RGS7: variants seen among roughly 807,000 people sequenced by gnomAD.
The protein encoded by RGS7 is regulator of G-protein signaling 7.
A neutral mutation model predicts 81.1 loss-of-function variants in RGS7; 27 were observed. The observed-to-expected ratio is 0.33, with a 90% confidence interval of 0.25 to 0.46. The LOEUF is 0.46. Ranked by LOEUF, RGS7 falls within the 20% of genes least tolerant of loss-of-function variation. The pLI, the probability that RGS7 is intolerant of heterozygous loss-of-function variation, is 1.00. For synonymous variants in RGS7, 208 were observed against 207.7 expected (o/e 1.00, Z -0.01); for missense variants, 396 against 607.4 (o/e 0.65, Z 3.66).
chr1:241,260,559 T>A (rs1016679060), intron 2 of RGS7, among the ~76,000 whole-genome samples: 1 of 152,230 alleles, frequency 6.6e-6, no homozygotes, highest in African/African-American at 2.4e-5. Context: ...AGTTGCTTTT[T>A]TTCACATATT....
At chr1:240,959,588 T>C (rs1259021123) in intron 4 of RGS7, among the ~76,000 whole-genome samples, 1 of 152,250 alleles carries the variant, frequency 6.6e-6, no homozygotes, top group Non-Finnish European at 1.5e-5. Flanking sequence ...ACCATTGTCA[T>C]ACATGCTGTC....
intron 2 of RGS7, among the ~76,000 whole-genome samples, chr1:241,119,003 AACAAAC>A (rs2066060010): frequency 2.0e-5 from 3 of 152,190 alleles, no homozygotes; most frequent in Admixed American, 2.0e-4. Flanking sequence ...ATACCCATTT[AACAAAC>A]ATGCACATGC....
At chr1:241,022,280 T>TCA (rs1401732997) in intron 3 of RGS7, among the ~76,000 whole-genome samples, 2 of 152,210 alleles carry the variant, frequency 1.3e-5, no homozygotes, top group African/African-American at 4.8e-5. Context: ...CTGTCCTTGT[T>TCA]CATTCCTGGG....
chr1:241,235,625 T>C (rs371470349), intron 2 of RGS7, among the ~76,000 whole-genome samples: 41,569 of 149,124 alleles, frequency 0.28, 5,664 homozygotes, highest in South Asian at 0.34. Flanking sequence ...CTTTCCCTTT[T>C]CTCTCTTTTT....
At chr1:241,101,258 G>A (rs988480808) in intron 2 of RGS7, among the ~76,000 whole-genome samples, 3 of 152,220 alleles carry the variant, frequency 2.0e-5, no homozygotes, top group African/African-American at 7.2e-5. Flanking sequence ...CACTTTGGGA[G>A]ACCAAGGCAG....
chr1:241,080,204 G>T (rs1229217944), intron 3 of RGS7, among the ~76,000 whole-genome samples: 1 of 151,446 alleles, frequency 6.6e-6, no homozygotes, highest in Non-Finnish European at 1.5e-5. Flanking sequence ...AAAGGATGAG[G>T]CATGAAAAAA....
At chr1:241,134,340 C>T (rs187013066) in intron 2 of RGS7, among the ~76,000 whole-genome samples, 8 of 152,278 alleles carry the variant, frequency 5.3e-5, no homozygotes, top group Non-Finnish European at 1.0e-4. Flanking sequence ...TATGACAAAT[C>T]CAGACTGACA....
rs76712107 is a variant in RGS7, at chr1:240,927,915, G to T, written c.385+2802C>A. Reference sequence around the variant, plus strand: ...AATGGACACCAGTGGATGGTAACATGTGTGGGAACAAGAGTGATTCCATCT... The same window carrying T: ...AATGGACACCAGTGGATGGTAACATTTGTGGGAACAAGAGTGATTCCATCT... On this transcript the variant is annotated intron_variant, in intron 6 of 18. Coordinates refer to ENST00000440928, the MANE Select transcript of RGS7 (RefSeq NM_001364886.1). Among the ~76,000 whole-genome samples, 23 of 152,314 alleles carry T rather than the reference G, an allele frequency of 1.5e-4. No homozygotes were observed. In the East Asian group the frequency reaches 4.4e-3, roughly 29 times the overall value.
intron 2 of RGS7, among the ~76,000 whole-genome samples, chr1:241,207,113 T>A (rs12129493): frequency 6.6e-6 from 1 of 150,476 alleles, no homozygotes; most frequent in Non-Finnish European, 1.5e-5. Flanking sequence ...GGACTACAGG[T>A]GCCCACCACC....
At chr1:241,155,190 C>T (rs752631361) in intron 2 of RGS7, among the ~76,000 whole-genome samples, 52 of 152,242 alleles carry the variant, frequency 3.4e-4, no homozygotes, top group Non-Finnish European at 1.9e-4. Context: ...CAACCTCTGC[C>T]TCCCAGTCCA....
chr1:240,891,705 A>G (rs1668319651), intron 6 of RGS7, among the ~76,000 whole-genome samples: 1 of 152,228 alleles, frequency 6.6e-6, no homozygotes, highest in Non-Finnish European at 1.5e-5. Flanking sequence ...GAGGAAACAA[A>G]TAAGTAGGTA....
intron 2 of RGS7, 69 bp downstream of exon 2, chr1:241,355,630 T>C: frequency 7.3e-7 from 1 of 1,362,468 alleles, no homozygotes; most frequent in Non-Finnish European, 1.1e-6. Flanking sequence ...CATACTCTGA[T>C]CTAGAGGGGG....
At chr1:240,970,875 G>A (rs79819178) in intron 4 of RGS7, among the ~76,000 whole-genome samples, 61,794 of 151,364 alleles carry the variant, frequency 0.41, 13,050 homozygotes, top group East Asian at 0.67. Flanking sequence ...GCTACACAGG[G>A]AGCTGAGACA....
At chr1:240,951,710 C>T (rs1330583547) in intron 4 of RGS7, among the ~76,000 whole-genome samples, 2 of 152,004 alleles carry the variant, frequency 1.3e-5, no homozygotes, top group East Asian at 3.9e-4. Flanking sequence ...AGGAGGAGAG[C>T]AAAGACAGTG....
chr1:241,009,599 G>T (rs2058851899), intron 3 of RGS7, among the ~76,000 whole-genome samples: 1 of 152,088 alleles, frequency 6.6e-6, no homozygotes, highest in Non-Finnish European at 1.5e-5. Context: ...CAAATAGGAG[G>T]TACCATTCAG....
At chr1:240,793,613 T>TATATATATATATATATA (rs1558259636) in intron 18 of RGS7, among the ~76,000 whole-genome samples, 2 of 88,356 alleles carry the variant, frequency 2.3e-5, no homozygotes, top group African/African-American at 1.2e-4. Flanking sequence ...ATATATATAT[T>TATATATATATATATATA]TTTTTTTTTT....
chr1:241,285,840 C>A (rs1326497329), intron 2 of RGS7, among the ~76,000 whole-genome samples: 1 of 152,140 alleles, frequency 6.6e-6, no homozygotes, highest in Non-Finnish European at 1.5e-5. Flanking sequence ...TCAGGTTACA[C>A]GCCCCATCTT....
intron 6 of RGS7, among the ~76,000 whole-genome samples, chr1:240,905,819 A>G (rs999520870): frequency 2.6e-5 from 4 of 152,206 alleles, no homozygotes; most frequent in Admixed American, 6.5e-5. Flanking sequence ...CTCTAAGATG[A>G]CATGCACCAG....
At chr1:241,348,120 G>T (rs940735821) in intron 2 of RGS7, among the ~76,000 whole-genome samples, 8 of 151,982 alleles carry the variant, frequency 5.3e-5, no homozygotes, top group Non-Finnish European at 4.4e-5. Flanking sequence ...TAAAATCCAG[G>T]TCCTCAATAA....
Sources: gnomAD v4.1 joint callset for allele counts (sites outside exome capture counted in the v4.1 genomes callset) on GRCh38, gnomAD v4.1.1 for gene constraint, MANE v1.5 for transcripts, NCBI Gene and HGNC (gene_info 2026-07-23, HGNC 2026-07-21) for gene names.